Variants in IGF2BP2 observed in about 807,000 individuals in gnomAD.
IGF2BP2 encodes the protein insulin like growth factor 2 mRNA binding protein 2, also known as insulin-like growth factor 2 mRNA-binding protein 2.
Under a neutral mutation model 75.8 loss-of-function variants are expected in IGF2BP2, and 17 were observed. The ratio of observed to expected loss-of-function variants is 0.22; its 90% CI spans 0.15 to 0.34. IGF2BP2 has a LOEUF of 0.34. Ranked by LOEUF, IGF2BP2 falls within the 10% of genes least tolerant of loss-of-function variation. The pLI is 1.00. For synonymous variants in IGF2BP2, 288 were observed against 295.6 expected (o/e 0.97, Z 0.26); for missense variants, 516 against 772.4 (o/e 0.67, Z 3.93).
chr3:185,738,237 T>G (rs1287625030), intron 2 of IGF2BP2, among the ~76,000 whole-genome samples: 3 of 152,252 alleles, frequency 2.0e-5, no homozygotes, highest in Non-Finnish European at 4.4e-5. Flanking sequence ...AGACATTAAC[T>G]GAGTGCCTAT....
intron 2 of IGF2BP2, among the ~76,000 whole-genome samples, chr3:185,700,212 C>G (rs1351850153): frequency 6.6e-6 from 1 of 151,910 alleles, no homozygotes; most frequent in Non-Finnish European, 1.5e-5. Flanking sequence ...AAAGGAGAGA[C>G]ACACACACAG....
At chr3:185,736,018 G>C (rs1728808478) in intron 2 of IGF2BP2, among the ~76,000 whole-genome samples, 1 of 152,180 alleles carries the variant, frequency 6.6e-6, no homozygotes, top group East Asian at 1.9e-4. Context: ...ACTCCAGTAA[G>C]GCTAACCAGA....
chr3:185,660,933 G>A (rs1252015808), intron 10 of IGF2BP2, among the ~76,000 whole-genome samples: 4 of 152,278 alleles, frequency 2.6e-5, no homozygotes, highest in African/African-American at 7.2e-5. Context: ...ATGTGAGGCC[G>A]GGAATAGACA....
At chr3:185,685,334 C>T (rs1243594931) in intron 7 of IGF2BP2, among the ~76,000 whole-genome samples, 3 of 149,876 alleles carry the variant, frequency 2.0e-5, no homozygotes, top group Non-Finnish European at 3.0e-5. Flanking sequence ...AGTGAAACTC[C>T]GTCTCAAAAA....
At chr3:185,681,263 A>G (rs1720345405) in intron 7 of IGF2BP2, among the ~76,000 whole-genome samples, 1 of 152,244 alleles carries the variant, frequency 6.6e-6, no homozygotes, top group African/African-American at 2.4e-5. Context: ...ATCAACATGC[A>G]AAAATCATTT....
intron 5 of IGF2BP2, among the ~76,000 whole-genome samples, chr3:185,690,848 C>T (rs759610437): frequency 3.3e-5 from 5 of 152,168 alleles, no homozygotes; most frequent in African/African-American, 7.2e-5. Flanking sequence ...AAATGACACA[C>T]GAAATACACT....
chr3:185,796,354 G>C (rs1282068753), intron 2 of IGF2BP2, among the ~76,000 whole-genome samples: 1 of 151,914 alleles, frequency 6.6e-6, no homozygotes, highest in East Asian at 1.9e-4. Context: ...CTTGAGGTCA[G>C]GAGTTTGAGA....
intron 3 of IGF2BP2, 40 bp downstream of exon 3, chr3:185,698,259 A>AAATG: frequency 6.4e-7 from 1 of 1,556,262 alleles, no homozygotes; most frequent in Non-Finnish European, 8.9e-7. Context: ...AAGAAGGGAG[A>AAATG]AATGTCTCAT....
At chr3:185,646,839 G>A (rs1178453141) in intron 15 of IGF2BP2, 186 bp downstream of exon 15, 4 of 606,318 alleles carry the variant, frequency 6.6e-6, no homozygotes, top group Non-Finnish European at 1.2e-5. Context: ...TGACAGTGGA[G>A]AGAAGTGTGA....
intron 2 of IGF2BP2, among the ~76,000 whole-genome samples, chr3:185,718,648 G>A (rs1319154996): frequency 6.4e-5 from 8 of 124,044 alleles, no homozygotes; most frequent in Admixed American, 1.0e-4. Context: ...TCACACCACC[G>A]CACTCCAGCC....
chr3:185,714,039 C>A (rs1307789699), intron 2 of IGF2BP2, among the ~76,000 whole-genome samples: 2 of 152,156 alleles, frequency 1.3e-5, no homozygotes, highest in Non-Finnish European at 2.9e-5. Context: ...TCAAAATGTA[C>A]CAAAGAATAG....
chr3:185,708,008 T>G (rs1724293834), intron 2 of IGF2BP2, among the ~76,000 whole-genome samples: 1 of 152,196 alleles, frequency 6.6e-6, no homozygotes, highest in Non-Finnish European at 1.5e-5. Context: ...TCACAGCGTG[T>G]TTGGCATGAA....
chr3:185,817,042 G>T (rs571323517), intron 2 of IGF2BP2, among the ~76,000 whole-genome samples: 2 of 152,180 alleles, frequency 1.3e-5, no homozygotes, highest in Admixed American at 6.5e-5. Flanking sequence ...TTTTGATATG[G>T]GTAAATAAGA....
At chr3:185,650,874 A>T (rs935160635) in intron 13 of IGF2BP2, among the ~76,000 whole-genome samples, 1 of 152,108 alleles carries the variant, frequency 6.6e-6, no homozygotes, top group Non-Finnish European at 1.5e-5. Context: ...GGACTGGCCT[A>T]TTCTGGACAT....
At chr3:185,659,268 A>G (rs1716001900) in intron 10 of IGF2BP2, among the ~76,000 whole-genome samples, 1 of 152,174 alleles carries the variant, frequency 6.6e-6, no homozygotes, top group African/African-American at 2.4e-5. Flanking sequence ...GAGGAGAGAA[A>G]GAAAATGAAT....
intron 12 of IGF2BP2, among the ~76,000 whole-genome samples, chr3:185,652,834 TCTC>T (rs1327691925): frequency 1.3e-5 from 2 of 152,194 alleles, no homozygotes; most frequent in East Asian, 1.9e-4. Flanking sequence ...AAGCTCCAAA[TCTC>T]CTCTCACTTT....
intron 2 of IGF2BP2, among the ~76,000 whole-genome samples, chr3:185,790,941 A>T (rs1373841749): frequency 6.6e-6 from 1 of 152,250 alleles, no homozygotes; most frequent in East Asian, 1.9e-4. Context: ...GTTAAGGACA[A>T]TTCTGAATAA....
chr3:185,801,117 A>C (rs1196041618), intron 2 of IGF2BP2, among the ~76,000 whole-genome samples: 1 of 152,238 alleles, frequency 6.6e-6, no homozygotes, highest in African/African-American at 2.4e-5. Flanking sequence ...AAAGCTCATC[A>C]TCACGGGTCA....
chr3:185,664,197 TCGTGAGCCAGCAAGAGGTAG>T (rs1257188302), intron 10 of IGF2BP2, among the ~76,000 whole-genome samples: 1 of 152,174 alleles, frequency 6.6e-6, no homozygotes, highest in African/African-American at 2.4e-5. Flanking sequence ...AGCTAGGAAC[TCGTGAGCCAGCAAGAGGTAG>T]AGCTGAGATG....
Sources: gnomAD v4.1 joint callset for allele counts (sites outside exome capture counted in the v4.1 genomes callset) on GRCh38, gnomAD v4.1.1 for gene constraint, MANE v1.5 for transcripts, NCBI Gene and HGNC (gene_info 2026-07-23, HGNC 2026-07-21) for gene names.